The following SYNE1 variants were observed in gnomAD, a reference collection of about 807,000 sequenced individuals.
SYNE1 encodes spectrin repeat containing nuclear envelope protein 1, also known as nesprin-1.
SYNE1 carries 616 observed loss-of-function variants against 1,111.0 expected under a neutral mutation model. That is an observed-to-expected ratio of 0.55 (90% CI 0.52 to 0.59). SYNE1 has a LOEUF of 0.59. Ranked by LOEUF, SYNE1 falls within the 20% of genes least tolerant of loss-of-function variation. The pLI is 0.00. For missense variants in SYNE1, 10,006 were observed against 10,417.0 expected, an observed-to-expected ratio of 0.96 and a Z score of 1.72; for synonymous variants, 3,855 against 3,825.8, an observed-to-expected ratio of 1.01 and a Z score of -0.28.
At position 152,456,014 on chromosome 6, in the gene SYNE1, T is replaced by C; in HGVS notation, c.2599A>G (p.Lys867Glu). 1 of 1,613,938 alleles carries C rather than the reference T, an allele frequency of 6.2e-7. No individual in the cohort carries two copies. The highest frequency in any genetic ancestry group is 8.5e-7 in the Non-Finnish European group (1 of 1,179,996). The change falls in exon 23 of 146, where the codon AAA becomes GAA. Residue 867 changes from lysine (K) to glutamate (E), a missense_variant. Lys to Glu is a moderately conservative substitution (Grantham distance 56). Coordinates refer to ENST00000367255, the MANE Select transcript of SYNE1 (RefSeq NM_182961.4). The stretch of plus-strand genomic sequence containing the variant: ...CCTTTCTCAATAAGTGTCAAGGTTT[T>C]CTTACAGTTTTCTTGACAAGCTAAC... Reference protein sequence around the residue: ...ELLACQENCKKTLTLIEKGSQ... With the variant: ...ELLACQENCKETLTLIEKGSQ...
chr6:152,365,048 T>C, intron 62 of SYNE1, 29 bp from the exon 63 acceptor site: 1 of 1,612,974 alleles, frequency 6.2e-7, no homozygotes, highest in Non-Finnish European at 8.5e-7. Context: ...AAGTCCTTTG[T>C]CATTTGTATG....
At chr6:152,627,006 T>G (rs1173176642) in intron 3 of SYNE1, among the ~76,000 whole-genome samples, 1 of 152,208 alleles carries the variant, frequency 6.6e-6, no homozygotes, top group Non-Finnish European at 1.5e-5. Context: ...AAACCCACAA[T>G]GATCATTTGT....
At chr6:152,567,971 T>A (rs760844435) in intron 3 of SYNE1, among the ~76,000 whole-genome samples, 1 of 151,988 alleles carries the variant, frequency 6.6e-6, no homozygotes, top group Non-Finnish European at 1.5e-5. Context: ...ATGAGAAAGA[T>A]CATTTGATGA....
intron 63 of SYNE1, 24 bp downstream of exon 63, chr6:152,364,823 G>A (rs2097035581): frequency 6.2e-7 from 1 of 1,613,976 alleles, no homozygotes; most frequent in African/African-American, 1.3e-5. Flanking sequence ...AGCTTCCCCA[G>A]TGCTTGGCTG....
At chr6:152,395,881 T>A (rs930528126) in intron 50 of SYNE1, among the ~76,000 whole-genome samples, 1 of 152,202 alleles carries the variant, frequency 6.6e-6, no homozygotes, top group Non-Finnish European at 1.5e-5. Context: ...TCTTTTGAGA[T>A]CCAAGCAGGA....
At chr6:152,276,564 G>A (rs2153702657) in intron 98 of SYNE1, among the ~76,000 whole-genome samples, 1 of 151,296 alleles carries the variant, frequency 6.6e-6, no homozygotes, top group Middle Eastern at 3.4e-3. Flanking sequence ...TGAGAAAACA[G>A]AAGCAATCAC....
At chr6:152,615,939 T>C (rs576792055) in intron 3 of SYNE1, among the ~76,000 whole-genome samples, 1 of 152,204 alleles carries the variant, frequency 6.6e-6, no homozygotes, top group Non-Finnish European at 1.5e-5. Context: ...TTGTATGCCA[T>C]GTATCACATT....
In SYNE1 at chr6:152,381,041, C is replaced by T; in HGVS notation, c.8974G>A (p.Asp2992Asn). 1 of 1,614,156 alleles carries T rather than the reference C, an allele frequency of 6.2e-7. No homozygotes were observed. The highest frequency in any genetic ancestry group is 8.5e-7 in the Non-Finnish European group (1 of 1,180,022). The part of the protein sequence containing the change: ...QLTLLEGKNT[D>N]EEIVECWHKG... Reference sequence around the variant, plus strand: ...TGCCAGCATTCCACTATCTCCTCATCCGTGTTCTTGCCTTCCAGGAGGGTT... The same window carrying T: ...TGCCAGCATTCCACTATCTCCTCATTCGTGTTCTTGCCTTCCAGGAGGGTT... The change falls in exon 56 of 146, where the codon GAT becomes AAT. Residue 2992 changes from aspartate (D) to asparagine (N), a missense_variant. Transcript: ENST00000367255.
In SYNE1 at chr6:152,325,147, C is replaced by T; in HGVS notation, c.15594G>A (p.Val5198=). The change falls in exon 81 of 146, where the codon GTG becomes GTA. Residue 5198 remains valine, a synonymous_variant. Transcript: ENST00000367255. ...VWQRWTRLRA[V]AQDQEKILED... Reference sequence around the variant, plus strand: ...CCAGGATCTTCTCCTGGTCCTGGGCCACAGCTCGAAGGCGTGTCCAGCGCT... The same window carrying T: ...CCAGGATCTTCTCCTGGTCCTGGGCTACAGCTCGAAGGCGTGTCCAGCGCT... 1 of 1,614,178 alleles carries T rather than the reference C, an allele frequency of 6.2e-7. No homozygotes were observed. Among genetic ancestry groups the T allele is most frequent in the East Asian group, 2.2e-5 (1 of 44,868 alleles).
At chr6:152,580,573 A>G (rs986400612) in intron 3 of SYNE1, among the ~76,000 whole-genome samples, 2 of 152,174 alleles carry the variant, frequency 1.3e-5, no homozygotes, top group Non-Finnish European at 2.9e-5. Context: ...AGTCTTCATC[A>G]TGAAATTTTG....
chr6:152,215,612 C>T (rs922852408), intron 121 of SYNE1, among the ~76,000 whole-genome samples: 3 of 152,156 alleles, frequency 2.0e-5, no homozygotes, highest in African/African-American at 7.2e-5. Flanking sequence ...TAATTTCCTC[C>T]TTTATTATTC....
chr6:152,404,104 G>GATAGAT (rs1554635405), intron 46 of SYNE1, 109 bp downstream of exon 46: 2 of 543,356 alleles, frequency 3.7e-6, no homozygotes, highest in Non-Finnish European at 6.4e-6. Context: ...AGATATATGA[G>GATAGAT]ATATATATAT....
chr6:152,510,146 T>C (rs201904320), intron 8 of SYNE1, 47 bp downstream of exon 8: 15 of 1,584,772 alleles, frequency 9.5e-6, no homozygotes, highest in Middle Eastern at 3.4e-4. Context: ...GTAACATTCA[T>C]AACTCAATTT....
intron 4 of SYNE1, among the ~76,000 whole-genome samples, chr6:152,536,257 G>A (rs2099236092): frequency 6.7e-6 from 1 of 148,938 alleles, no homozygotes; most frequent in South Asian, 2.1e-4. Flanking sequence ...CTTCTATACA[G>A]ATGCAGGCTC....
chr6:152,619,241 A>G (rs974286210), intron 3 of SYNE1, among the ~76,000 whole-genome samples: 1 of 152,202 alleles, frequency 6.6e-6, no homozygotes, highest in East Asian at 1.9e-4. Context: ...TAAATTATAC[A>G]TTCATGGAAC....
chr6:152,448,355 T>G (rs555926906), intron 28 of SYNE1, among the ~76,000 whole-genome samples: 1 of 152,302 alleles, frequency 6.6e-6, no homozygotes, highest in East Asian at 1.9e-4. Context: ...CCAGGGCCAC[T>G]CCAGGGCTTT....
chr6:152,316,115 G>A (rs1389643388), intron 87 of SYNE1: 1 of 152,220 alleles, frequency 6.6e-6, no homozygotes, highest in Admixed American at 6.5e-5. Context: ...ATAATTTCCT[G>A]GATGACGTGA....
chr6:152,348,413 G>C (rs929800310), intron 72 of SYNE1, among the ~76,000 whole-genome samples: 1 of 152,164 alleles, frequency 6.6e-6, no homozygotes, highest in South Asian at 2.1e-4. Flanking sequence ...GGCCAGACGC[G>C]GTGGCTCACG....
intron 11 of SYNE1, among the ~76,000 whole-genome samples, chr6:152,494,008 A>T (rs1263288979): frequency 6.6e-6 from 1 of 152,182 alleles, no homozygotes; most frequent in African/African-American, 2.4e-5. Flanking sequence ...ACACGCAGCC[A>T]AAGTACAGGA....
Sources: gnomAD v4.1 joint callset for allele counts (sites outside exome capture counted in the v4.1 genomes callset) on GRCh38, gnomAD v4.1.1 for gene constraint, MANE v1.5 for transcripts, NCBI Gene and HGNC (gene_info 2026-07-23, HGNC 2026-07-21) for gene names.